ARHGAP32: variants seen among roughly 807,000 people sequenced by gnomAD.
The protein encoded by ARHGAP32 is rho GTPase-activating protein 32.
Under a neutral mutation model 186.5 loss-of-function variants are expected in ARHGAP32, and 51 were observed. The observed-to-expected ratio is 0.27, with a 90% CI of 0.22 to 0.35. The LOEUF (loss-of-function observed/expected upper bound fraction) is 0.35, where lower values mean the gene tolerates loss of function less well. ARHGAP32 is among the 10% of genes least tolerant of loss of function. ARHGAP32 has a pLI of 1.00. For synonymous variants in ARHGAP32, 950 were observed against 964.3 expected, an observed-to-expected ratio of 0.99 and a Z score of 0.27; for missense variants, 2,186 against 2,623.5, an observed-to-expected ratio of 0.83 and a Z score of 3.64.
chr11:129,115,146 C>T (rs1010591562), intron 5 of ARHGAP32, among the ~76,000 whole-genome samples: 2 of 151,960 alleles, frequency 1.3e-5, no homozygotes, highest in Non-Finnish European at 2.9e-5. Context: ...GACGTGGAGA[C>T]ACAAAAAAAT....
At chr11:129,046,528 G>A (rs1021394264) in intron 10 of ARHGAP32, among the ~76,000 whole-genome samples, 1 of 152,118 alleles carries the variant, frequency 6.6e-6, no homozygotes, top group Non-Finnish European at 1.5e-5. Flanking sequence ...GGAGAACCAG[G>A]AGAGATGTAA....
intron 10 of ARHGAP32, among the ~76,000 whole-genome samples, chr11:129,058,795 G>GA (rs1940371050): frequency 6.6e-6 from 1 of 152,216 alleles, no homozygotes; most frequent in Non-Finnish European, 1.5e-5. Context: ...AGTTAAACTT[G>GA]AAAATCAGGA....
chr11:129,032,068 C>A (rs1007831955), intron 11 of ARHGAP32, among the ~76,000 whole-genome samples: 3 of 152,186 alleles, frequency 2.0e-5, no homozygotes, highest in Admixed American at 6.5e-5. Flanking sequence ...ATTCACCACC[C>A]TTCAATTCAT....
At chr11:129,091,876 A>AC (rs1423127258) in intron 6 of ARHGAP32, among the ~76,000 whole-genome samples, 1 of 152,020 alleles carries the variant, frequency 6.6e-6, no homozygotes, top group African/African-American at 2.4e-5. Context: ...TTTCTCTCTT[A>AC]GTTATAAAAA....
At chr11:129,152,785 G>A (rs185861276) in intron 2 of ARHGAP32, among the ~76,000 whole-genome samples, 74 of 152,224 alleles carry the variant, frequency 4.9e-4, no homozygotes, top group Non-Finnish European at 8.7e-4. Context: ...ACATTATACT[G>A]AATAGGGACA....
At chr11:129,094,310 T>C (rs1018656417) in intron 5 of ARHGAP32, among the ~76,000 whole-genome samples, 1 of 152,186 alleles carries the variant, frequency 6.6e-6, no homozygotes, top group East Asian at 1.9e-4. Flanking sequence ...ACACATTGCA[T>C]GCCTGTATGA....
At chr11:129,058,238 CTA>C (rs34506002) in intron 10 of ARHGAP32, among the ~76,000 whole-genome samples, 9,554 of 138,440 alleles carry the variant, frequency 0.069, 556 homozygotes, top group African/African-American at 0.15. Flanking sequence ...CTCTCTCTCT[CTA>C]TATATATATA....
chr11:129,213,996 C>A (rs1204476660), intron 1 of ARHGAP32, among the ~76,000 whole-genome samples: 1 of 151,798 alleles, frequency 6.6e-6, no homozygotes, highest in African/African-American at 2.4e-5. Flanking sequence ...CAGACCCCTC[C>A]GGAAAACCCG....
At chr11:129,113,774 C>T (rs1054599212) in intron 5 of ARHGAP32, among the ~76,000 whole-genome samples, 1 of 152,056 alleles carries the variant, frequency 6.6e-6, no homozygotes, top group African/African-American at 2.4e-5. Flanking sequence ...ATTGTCTTCT[C>T]CCTGAAATAT....
intron 2 of ARHGAP32, among the ~76,000 whole-genome samples, chr11:129,163,572 T>C (rs1004958910): frequency 9.9e-5 from 15 of 152,148 alleles, no homozygotes; most frequent in Admixed American, 3.3e-4. Context: ...TGACAACAGC[T>C]GTCTTTATCA....
chr11:129,103,771 C>G (rs928496957), intron 5 of ARHGAP32, among the ~76,000 whole-genome samples: 3 of 151,946 alleles, frequency 2.0e-5, no homozygotes, highest in Non-Finnish European at 4.4e-5. Context: ...GTTGTCAATA[C>G]TATTAATATA....
At chr11:129,112,054 T>G (rs1458047512) in intron 5 of ARHGAP32, among the ~76,000 whole-genome samples, 1 of 151,998 alleles carries the variant, frequency 6.6e-6, no homozygotes, top group African/African-American at 2.4e-5. Context: ...ACCAGCCTGA[T>G]CAATAAGGTG....
intron 5 of ARHGAP32, among the ~76,000 whole-genome samples, chr11:129,098,463 G>A (rs1286275893): frequency 6.7e-6 from 1 of 150,286 alleles, no homozygotes; most frequent in East Asian, 1.9e-4. Context: ...CCATCTCCCA[G>A]GCTGGAGTGC....
At chr11:129,089,972 G>C (rs1941526699) in intron 6 of ARHGAP32, among the ~76,000 whole-genome samples, 1 of 152,162 alleles carries the variant, frequency 6.6e-6, no homozygotes, top group Non-Finnish European at 1.5e-5. Flanking sequence ...AATGAAAAGA[G>C]AGAGAGAGGG....
chr11:129,258,833 T>TTCAACGCATTCA (rs57976132), intron 1 of ARHGAP32, among the ~76,000 whole-genome samples: 2 of 151,860 alleles, frequency 1.3e-5, no homozygotes, highest in African/African-American at 4.8e-5. Flanking sequence ...TAACACATAC[T>TTCAACGCATTCA]GGAAAGTTAA....
At chr11:129,195,082 C>T (rs1430927738), upstream of ARHGAP32, among the ~76,000 whole-genome samples, 3 of 152,004 alleles carry the variant, frequency 2.0e-5, no homozygotes, top group Non-Finnish European at 4.4e-5. Flanking sequence ...AATCCTCCTG[C>T]CTCAGCCTCC....
intron 1 of ARHGAP32, among the ~76,000 whole-genome samples, chr11:129,189,453 G>T (rs577803226): frequency 6.6e-6 from 1 of 152,164 alleles, no homozygotes; most frequent in East Asian, 1.9e-4. Context: ...TCTAAGTAAA[G>T]TTTTTCTTTC....
chr11:129,221,570 G>A (rs1376702079), intron 1 of ARHGAP32, among the ~76,000 whole-genome samples: 1 of 148,642 alleles, frequency 6.7e-6, no homozygotes, highest in East Asian at 2.0e-4. Flanking sequence ...GAGATGAGTG[G>A]AACCAATCCC....
chr11:129,031,750 C>T (rs1939121708), intron 11 of ARHGAP32, among the ~76,000 whole-genome samples: 1 of 152,192 alleles, frequency 6.6e-6, no homozygotes, highest in African/African-American at 2.4e-5. Flanking sequence ...ATTCCTGTTT[C>T]CCACCCCTAC....
Sources: allele counts gnomAD v4.1 joint callset (sites outside exome capture counted in the v4.1 genomes callset), GRCh38; gene constraint gnomAD v4.1.1; transcripts MANE v1.5; gene names NCBI Gene and HGNC (gene_info 2026-07-23, HGNC 2026-07-21).